DDX10: variants seen among roughly 807,000 people sequenced by gnomAD.
DDX10 encodes the protein DEAD-box helicase 10, also known as probable ATP-dependent RNA helicase DDX10.
A neutral mutation model predicts 104.3 loss-of-function variants in DDX10; 74 were observed. The observed-to-expected ratio is 0.71, with a 90% CI of 0.59 to 0.86. The LOEUF is 0.86. Ranked by LOEUF, DDX10 falls within the 40% of genes least tolerant of loss-of-function variation. The probability of loss-of-function intolerance (pLI) is 0.00; values close to 1 mark genes in which losing one functional copy is unlikely to be tolerated. For missense variants in DDX10, 952 were observed against 1,040.0 expected (o/e 0.92, Z 1.16); for synonymous variants, 351 against 353.4 (o/e 0.99, Z 0.08).
At chr11:108,855,700 C>T (rs764343904) in intron 16 of DDX10, among the ~76,000 whole-genome samples, 31 of 152,112 alleles carry the variant, frequency 2.0e-4, no homozygotes, top group Non-Finnish European at 2.8e-4. Flanking sequence ...ACCCCGTGAT[C>T]CACCCTCCTC....
In DDX10 at chr11:108,771,667, G is replaced by A. The variant is rs116557166; in HGVS notation, c.1965+48205G>A. Among the ~76,000 whole-genome samples, 837 of 152,312 alleles carry A rather than the reference G, an allele frequency of 5.5e-3. 10 individuals carry two copies. The highest frequency in any genetic ancestry group is 0.019 in the African/African-American group (807 of 41,568). The stretch of plus-strand genomic sequence containing the variant: ...AAGGAGACTTGGTTCTGGATTAGAT[G>A]TTGTGGGGTCAGTGGGATGGTCTCT... On this transcript the variant is annotated intron_variant, in intron 13 of 17. Transcript: ENST00000322536.
At chr11:108,778,640 A>G (rs559410872) in intron 13 of DDX10, among the ~76,000 whole-genome samples, 104 of 152,360 alleles carry the variant, frequency 6.8e-4, no homozygotes, top group African/African-American at 2.4e-3. Context: ...ATGGGCAAGG[A>G]CTTCATGACT....
chr11:108,872,163 T>G (rs535604020), intron 16 of DDX10, among the ~76,000 whole-genome samples: 7 of 152,228 alleles, frequency 4.6e-5, no homozygotes, highest in Non-Finnish European at 1.0e-4. Flanking sequence ...TCTCAGTTGT[T>G]TCTGTGGATA....
chr11:108,774,693 C>G (rs934673082), intron 13 of DDX10, among the ~76,000 whole-genome samples: 1 of 152,060 alleles, frequency 6.6e-6, no homozygotes, highest in South Asian at 2.1e-4. Context: ...ATGCTGTATT[C>G]TGTGTTTTCT....
intron 13 of DDX10, among the ~76,000 whole-genome samples, chr11:108,778,048 C>A (rs1274365083): frequency 6.6e-6 from 1 of 152,096 alleles, no homozygotes; most frequent in Non-Finnish European, 1.5e-5. Flanking sequence ...TAAAAGAGGA[C>A]ACAAACACAT....
chr11:108,787,378 T>C lies in DDX10; in HGVS notation c.1966-51068T>C, dbSNP rs117202052. ...GGGTTCTCTGTTTTTTCTGAATTTA[T>C]ATGTCTTCCTCTAGCAGGATTCGGG... On this transcript the variant is annotated intron_variant, in intron 13 of 17. Transcript: ENST00000322536. Among the ~76,000 whole-genome samples, 82 of 152,286 alleles carry C rather than the reference T, an allele frequency of 5.4e-4. No individual in the cohort carries two copies. In the East Asian group the frequency reaches 0.014, roughly 25 times the overall value.
intron 16 of DDX10, among the ~76,000 whole-genome samples, chr11:108,913,911 T>C (rs906642075): frequency 2.6e-5 from 4 of 152,226 alleles, no homozygotes; most frequent in African/African-American, 9.6e-5. Context: ...CACATTATAC[T>C]TTCCATAATA....
At chr11:108,873,572 G>A (rs1049770694) in intron 16 of DDX10, among the ~76,000 whole-genome samples, 11 of 151,918 alleles carry the variant, frequency 7.2e-5, no homozygotes, top group African/African-American at 1.5e-4. Context: ...TTATCCTTCC[G>A]AGAACACCTT....
chr11:108,862,593 C>A (rs1330929780), intron 16 of DDX10, among the ~76,000 whole-genome samples: 2 of 152,166 alleles, frequency 1.3e-5, no homozygotes, highest in South Asian at 4.1e-4. Context: ...ACTTACAAAA[C>A]AATTTCCTCT....
At chr11:108,852,250 G>A (rs1225790410) in intron 16 of DDX10, 41 bp downstream of exon 16, 10 of 1,504,324 alleles carry the variant, frequency 6.6e-6, no homozygotes, top group Non-Finnish European at 9.1e-6. Context: ...GCTCTATTAA[G>A]GTAGAATGGA....
At chr11:108,814,979 T>C (rs532334006) in intron 13 of DDX10, among the ~76,000 whole-genome samples, 6 of 152,348 alleles carry the variant, frequency 3.9e-5, no homozygotes, top group African/African-American at 1.4e-4. Flanking sequence ...GAAAGACTTA[T>C]GTTATCGACA....
At chr11:108,926,254 G>A (rs905581613) in intron 17 of DDX10, among the ~76,000 whole-genome samples, 5 of 152,028 alleles carry the variant, frequency 3.3e-5, no homozygotes, top group East Asian at 3.9e-4. Flanking sequence ...TTGAGATTTC[G>A]TGAAAAATGA....
At chr11:108,730,301 G>C (rs780428855) in intron 13 of DDX10, among the ~76,000 whole-genome samples, 1 of 152,174 alleles carries the variant, frequency 6.6e-6, no homozygotes, top group Non-Finnish European at 1.5e-5. Flanking sequence ...CTAGGACCTA[G>C]ACAGGTTTTC....
rs1464257118 is a variant in DDX10 at position 108,812,654 on chromosome 11, G to T, written c.1966-25792G>T. Among the ~76,000 whole-genome samples, 3 of 152,008 alleles carry T rather than the reference G, an allele frequency of 2.0e-5. No individual in the cohort carries two copies. In the South Asian group the frequency reaches 6.2e-4, roughly 32 times the overall value. On this transcript the variant is annotated intron_variant, in intron 13 of 17. Transcript: ENST00000322536. ...CATGTGCTAAAAGATGTAAAATGGA[G>T]ATTTCTGAAATTGTAATAATAAAAA...
intron 13 of DDX10, among the ~76,000 whole-genome samples, chr11:108,752,362 C>CT (rs1330305659): frequency 6.6e-6 from 1 of 152,098 alleles, no homozygotes; most frequent in Non-Finnish European, 1.5e-5. Context: ...TGGGTTGCTA[C>CT]TTTCATTTTT....
chr11:108,706,957 T>G (rs1045703587), intron 10 of DDX10, 120 bp downstream of exon 10: 1 of 776,198 alleles, frequency 1.3e-6, no homozygotes, highest in African/African-American at 1.7e-5. Context: ...GTTTGACTTT[T>G]ATAAAAAGGC....
intron 13 of DDX10, among the ~76,000 whole-genome samples, chr11:108,781,318 C>A (rs1266459626): frequency 6.6e-6 from 1 of 151,944 alleles, no homozygotes; most frequent in Non-Finnish European, 1.5e-5. Flanking sequence ...TTGATGGGGA[C>A]CTAGGTTGAT....
At chr11:108,802,608 T>A (rs752007573) in intron 13 of DDX10, among the ~76,000 whole-genome samples, 21 of 152,224 alleles carry the variant, frequency 1.4e-4, no homozygotes, top group Non-Finnish European at 1.5e-5. Flanking sequence ...TGTAATTTTC[T>A]GAAACTTTTT....
chr11:108,773,863 G>A (rs765339984), intron 13 of DDX10, among the ~76,000 whole-genome samples: 12 of 152,122 alleles, frequency 7.9e-5, no homozygotes. Context: ...CCCTTGAACT[G>A]CTAGTAGGAG....
Sources: gnomAD v4.1 joint callset for allele counts (sites outside exome capture counted in the v4.1 genomes callset) on GRCh38, gnomAD v4.1.1 for gene constraint, MANE v1.5 for transcripts, NCBI Gene and HGNC (gene_info 2026-07-23, HGNC 2026-07-21) for gene names.